Variants in PABPC4L observed in about 807,000 individuals in gnomAD.
PABPC4L encodes the protein poly(A) binding protein cytoplasmic 4 like, also known as polyadenylate-binding protein 4-like.
For missense variants in PABPC4L, 452 were observed against 451.4 expected (o/e 1.00, Z -0.01); for synonymous variants, 169 against 164.1 (o/e 1.03, Z -0.23).
the PABPC4L span, among the ~76,000 whole-genome samples, chr4:134,166,234 T>C: frequency 6.6e-6 from 1 of 152,114 alleles, no homozygotes; most frequent in Non-Finnish European, 1.5e-5. Flanking sequence ...AAGTATATAG[T>C]TCGTCTATGT....
chr4:133,993,826 A>G, the PABPC4L span, among the ~76,000 whole-genome samples: 2 of 152,180 alleles, frequency 1.3e-5, no homozygotes, highest in African/African-American at 4.8e-5. Context: ...TGTGGGCTCG[A>G]ATATGTGTGA....
chr4:134,199,755 T>A lies in PABPC4L; in HGVS notation c.*152A>T. 1 of 964,016 alleles carries A rather than the reference T, an allele frequency of 1.0e-6. No individual in the cohort carries two copies. The highest frequency in any genetic ancestry group is 2.0e-5 in the South Asian group (1 of 50,620). The allele number at this position is 964,016 out of a possible 1,614,324, so 59.7% of individuals were successfully genotyped here. A position where few individuals can be genotyped will look rare whatever the true frequency, so the allele number is the denominator to read the frequency against. The stretch of plus-strand genomic sequence containing the variant: ...CTATTTTTCCACAAAAGAAAAAAAA[T>A]GGCTTTGTATAAAAAACGTTTTATC... On this transcript the variant is annotated 3_prime_UTR_variant, in exon 2 of 2. Transcript: ENST00000421491.
chr4:134,072,303 G>A, the PABPC4L span, among the ~76,000 whole-genome samples: 1 of 152,048 alleles, frequency 6.6e-6, no homozygotes, highest in Admixed American at 6.5e-5. Flanking sequence ...GAGTTGATGT[G>A]AGTCTGTCAA....
At chr4:134,103,846 G>T in the PABPC4L span, among the ~76,000 whole-genome samples, 5 of 151,664 alleles carry the variant, frequency 3.3e-5, no homozygotes, top group Non-Finnish European at 5.9e-5. Flanking sequence ...AATTAATTTT[G>T]TTAGATTCTC....
In PABPC4L at chr4:134,200,895, C is replaced by G. The variant is rs779670173; in HGVS notation, c.125G>C (p.Cys42Ser). 1 of 1,559,658 alleles carries G rather than the reference C, an allele frequency of 6.4e-7. No homozygotes were observed. ...TVGPVLSIRI[C>S]RDQVTRRSLG... is the part of the protein sequence containing the mutation. ...AGAGCGGCGGGTGACCTGGTCCCTG[C>G]AAATGCGGATGGACAGCACAGGCCC... is the stretch of plus-strand genomic sequence containing the variant. The change falls in exon 2 of 2, where the codon TGC becomes TCC. Residue 42 changes from cysteine (C) to serine (S), a missense_variant. By Grantham distance (112) the Cys-to-Ser change is moderately radical. Coordinates refer to ENST00000421491, the MANE Select transcript of PABPC4L (RefSeq NM_001114734.2).
chr4:134,011,176 A>G, the PABPC4L span, among the ~76,000 whole-genome samples: 22,094 of 152,098 alleles, frequency 0.15, 1,929 homozygotes, highest in Non-Finnish European at 0.19. Flanking sequence ...TAAGATGTAT[A>G]GAAAAGACAC....
chr4:134,029,128 C>G, the PABPC4L span, among the ~76,000 whole-genome samples: 1 of 152,054 alleles, frequency 6.6e-6, no homozygotes, highest in South Asian at 2.1e-4. Context: ...ATGAGCAACA[C>G]TTCTTTTAAG....
At chr4:134,093,056 T>C in the PABPC4L span, among the ~76,000 whole-genome samples, 2 of 152,006 alleles carry the variant, frequency 1.3e-5, no homozygotes, top group Non-Finnish European at 2.9e-5. Flanking sequence ...TTGTGTTTAC[T>C]GTTAAAATGG....
the PABPC4L span, among the ~76,000 whole-genome samples, chr4:134,136,355 C>G: frequency 4.6e-5 from 7 of 152,052 alleles, no homozygotes; most frequent in Admixed American, 2.0e-4. Flanking sequence ...ACATTGTAGA[C>G]TTTGTCACAT....
the PABPC4L span, among the ~76,000 whole-genome samples, chr4:134,171,102 G>T: frequency 6.6e-6 from 1 of 152,022 alleles, no homozygotes; most frequent in Non-Finnish European, 1.5e-5. Context: ...ATGATGGTGA[G>T]CATTTTTTCA....
the PABPC4L span, among the ~76,000 whole-genome samples, chr4:134,065,067 G>A: frequency 2.6e-5 from 4 of 151,994 alleles, no homozygotes; most frequent in African/African-American, 9.7e-5. Context: ...GAGTTTTCAG[G>A]TGTCTTTGTG....
chr4:134,029,590 T>C, the PABPC4L span, among the ~76,000 whole-genome samples: 7 of 152,092 alleles, frequency 4.6e-5, no homozygotes, highest in East Asian at 1.3e-3. Context: ...GGGTAAACTT[T>C]TAAAAATATT....
At chr4:134,068,009 GA>G in the PABPC4L span, among the ~76,000 whole-genome samples, 2 of 152,256 alleles carry the variant, frequency 1.3e-5, no homozygotes, top group East Asian at 3.9e-4. Flanking sequence ...GTTTGGGGCA[GA>G]GTGCTCTTTA....
At chr4:134,194,342 C>T (rs191532779), downstream of PABPC4L, among the ~76,000 whole-genome samples, 16 of 151,600 alleles carry the variant, frequency 1.1e-4, no homozygotes, top group East Asian at 7.8e-4. Flanking sequence ...TTGCAGATGC[C>T]GGGGTGGGAA....
At chr4:133,957,882 C>G in the PABPC4L span, among the ~76,000 whole-genome samples, 1 of 152,226 alleles carries the variant, frequency 6.6e-6, no homozygotes, top group Non-Finnish European at 1.5e-5. Context: ...ACCTGGGATG[C>G]TGGGTGCCAT....
the PABPC4L span, among the ~76,000 whole-genome samples, chr4:134,166,546 G>A: frequency 6.6e-6 from 1 of 152,092 alleles, no homozygotes; most frequent in African/African-American, 2.4e-5. Context: ...CTCTTGGGCA[G>A]GTCACACCAG....
chr4:134,037,199 G>T, the PABPC4L span, among the ~76,000 whole-genome samples: 1 of 151,980 alleles, frequency 6.6e-6, no homozygotes, highest in Non-Finnish European at 1.5e-5. Context: ...TTGGTATTCT[G>T]TCAGTAATTG....
the PABPC4L span, among the ~76,000 whole-genome samples, chr4:134,115,428 G>A: frequency 6.6e-6 from 1 of 151,698 alleles, no homozygotes; most frequent in African/African-American, 2.4e-5. Context: ...AATTTGAGAG[G>A]TCTTTGAATT....
At chr4:134,000,086 A>G in the PABPC4L span, among the ~76,000 whole-genome samples, 3 of 152,168 alleles carry the variant, frequency 2.0e-5, no homozygotes, top group East Asian at 3.9e-4. Flanking sequence ...ATGTGTTTAC[A>G]TGGAAATATT....
Sources: allele counts gnomAD v4.1 joint callset (sites outside exome capture counted in the v4.1 genomes callset), GRCh38; gene constraint gnomAD v4.1.1; transcripts MANE v1.5; gene names NCBI Gene and HGNC (gene_info 2026-07-23, HGNC 2026-07-21).